IQSEC1: variants seen among roughly 807,000 people sequenced by gnomAD.
IQSEC1 encodes the protein IQ motif and SEC7 domain-containing protein 1.
IQSEC1 carries 31 observed loss-of-function variants against 91.0 expected under a neutral mutation model. That is an observed-to-expected ratio of 0.34 (90% CI 0.26 to 0.46). IQSEC1 has a LOEUF of 0.46. Ranked by LOEUF, IQSEC1 falls within the 20% of genes least tolerant of loss-of-function variation. IQSEC1 has a pLI of 1.00. For missense variants in IQSEC1, 1,388 were observed against 1,575.6 expected (o/e 0.88, Z 2.02); for synonymous variants, 699 against 662.6 (o/e 1.05, Z -0.84).
chr3:12,974,111 G>A (rs750874997), intron 1 of IQSEC1, among the ~76,000 whole-genome samples: 2 of 152,200 alleles, frequency 1.3e-5, no homozygotes, highest in Non-Finnish European at 2.9e-5. Context: ...CTGCAGCTAG[G>A]CCACAGTGTC....
In IQSEC1 at chr3:12,908,534, G is replaced by GA; in HGVS notation, c.2579-10dup. ...CTGCTTCTCGAGCTCCGCTGGAACA[G>GA]AGAGGGTGAGGGTCCTGGTGAGAGG... On this transcript the variant is annotated splice_polypyrimidine_tract_variant and intron_variant, in intron 11 of 13. Transcript: ENST00000613206. The surrounding 1 kb of genome is among the most constrained non-coding windows in gnomAD (Gnocchi z 4.9). 6.2e-7 allele frequency: 1 copy of GA among 1,613,380 alleles called. No individual in the cohort carries two copies. Among genetic ancestry groups the GA allele is most frequent in the South Asian group, 1.1e-5 (1 of 91,072 alleles).
At position 13,079,239 on chromosome 3, in the gene IQSEC1, C is replaced by G. The variant is rs578219296; in HGVS notation, c.303-31717G>C. Among the ~76,000 whole-genome samples, 4 of 152,348 alleles carry G rather than the reference C, an allele frequency of 2.6e-5. No homozygotes were observed. The East Asian group carries it at 7.7e-4, about 29-fold the overall frequency. On this transcript the variant is annotated intron_variant, in intron 2 of 15. Transcript: ENST00000648114. ...GGCCACTGGCTGCCTGGCCCCATCCCTGTGGCCCTGAGCCTTCCTAAACCT... is the reference window on the plus strand; with the variant it reads ...GGCCACTGGCTGCCTGGCCCCATCCGTGTGGCCCTGAGCCTTCCTAAACCT...
chr3:13,006,826 C>G (rs1702656375), intron 1 of IQSEC1, among the ~76,000 whole-genome samples: 1 of 152,218 alleles, frequency 6.6e-6, no homozygotes, highest in East Asian at 1.9e-4. Flanking sequence ...TTAAACAGAG[C>G]AGAAACCCAC....
At chr3:13,124,827 G>A (rs1461726354) in intron 2 of IQSEC1, among the ~76,000 whole-genome samples, 3 of 152,130 alleles carry the variant, frequency 2.0e-5, no homozygotes, top group African/African-American at 7.2e-5. Context: ...CCTCCCAGTG[G>A]CTGCCTTCAG....
chr3:13,092,597 G>C (rs1476021669), intron 2 of IQSEC1, among the ~76,000 whole-genome samples: 4 of 152,132 alleles, frequency 2.6e-5, no homozygotes, highest in Non-Finnish European at 2.9e-5. Flanking sequence ...GGGCCTCTCT[G>C]AGACGGCGAC....
At position 13,011,387 on chromosome 3, in the gene IQSEC1, G is replaced by C. The variant is rs150344300; in HGVS notation, c.23+61605C>G. On this transcript the variant is annotated intron_variant, in intron 1 of 13. Coordinates refer to ENST00000613206, the MANE Select transcript of IQSEC1 (RefSeq NM_001134382.3). ...ACTGACACTCACTGAGCCATTGCTA[G>C]GTCATTGTCTATGGGCAGGTCCATG... 2.0e-4 allele frequency among the ~76,000 whole-genome samples: 30 copies of C among 152,334 alleles called. No individual in the cohort carries two copies. The East Asian group carries it at 2.9e-3, about 15-fold the overall frequency.
chr3:13,110,108 C>G (rs898138944), intron 2 of IQSEC1, among the ~76,000 whole-genome samples: 1 of 151,790 alleles, frequency 6.6e-6, no homozygotes, highest in Non-Finnish European at 1.5e-5. Flanking sequence ...TCTCGAACTC[C>G]TGACCTCAGG....
chr3:12,924,824 C>A lies in IQSEC1; in HGVS notation c.1569-82G>T. On this transcript the variant is annotated intron_variant, in intron 3 of 13. Coordinates refer to ENST00000613206, the MANE Select transcript of IQSEC1 (RefSeq NM_001134382.3). The surrounding 1 kb of genome is among the most constrained non-coding windows in gnomAD (Gnocchi z 6.3). ...CTGGAGGGGATCTCCGCTCAGTGGA[C>A]GGTCGACATTCTCCCTCCCTGCCCA... 1 of 1,333,740 alleles carries A rather than the reference C, an allele frequency of 7.5e-7. No individual in the cohort carries two copies. Among genetic ancestry groups the A allele is most frequent in the African/African-American group, 1.5e-5 (1 of 67,184 alleles). The allele number at this position is 1,333,740 out of a possible 1,614,324, so 82.6% of individuals were successfully genotyped here.
At chr3:13,028,280 A>T (rs1234793976) in intron 1 of IQSEC1, among the ~76,000 whole-genome samples, 1 of 152,230 alleles carries the variant, frequency 6.6e-6, no homozygotes, top group Admixed American at 6.5e-5. Flanking sequence ...AATAAAACTG[A>T]GTCCCAGATA....
intron 2 of IQSEC1, among the ~76,000 whole-genome samples, chr3:13,097,663 A>G (rs1444751565): frequency 6.6e-6 from 1 of 152,178 alleles, no homozygotes; most frequent in Non-Finnish European, 1.5e-5. Context: ...TTCTCCAGCC[A>G]TGCTTTTCTC....
At chr3:13,127,446 A>AC (rs1559260513) in intron 2 of IQSEC1, among the ~76,000 whole-genome samples, 24 of 136,470 alleles carry the variant, frequency 1.8e-4, no homozygotes, top group African/African-American at 6.4e-4. Context: ...AACAAACAAA[A>AC]AAAAAAAAAC....
At chr3:13,074,118 C>G (rs1346531186), upstream of IQSEC1, among the ~76,000 whole-genome samples, 1 of 152,106 alleles carries the variant, frequency 6.6e-6, no homozygotes, top group Non-Finnish European at 1.5e-5. Context: ...TAGGATTGCA[C>G]GTGGTGATAA....
At chr3:13,225,615 G>C (rs1411517727) in intron 1 of IQSEC1, among the ~76,000 whole-genome samples, 1 of 152,152 alleles carries the variant, frequency 6.6e-6, no homozygotes, top group East Asian at 1.9e-4. Flanking sequence ...GGCTGGGAGA[G>C]ATGAAGAAAA....
chr3:13,279,240 C>T (rs369189009), intron 1 of IQSEC1, among the ~76,000 whole-genome samples: 1 of 152,178 alleles, frequency 6.6e-6, no homozygotes, highest in Non-Finnish European at 1.5e-5. Flanking sequence ...GCCTATTATG[C>T]GTCTGAACCT....
At position 12,935,496 on chromosome 3, in the gene IQSEC1, T is replaced by C. The variant is rs1698086114; in HGVS notation, c.1520A>G (p.Asp507Gly). 1.9e-6 allele frequency: 3 copies of C among 1,613,850 alleles called. No homozygotes were observed. Among genetic ancestry groups the C allele is most frequent in the Non-Finnish European group, 2.5e-6 (3 of 1,179,806 alleles). Residue 507 changes from aspartate (D) to glycine (G), a missense_variant, in exon 3 of 14, where the codon GAT (aspartate) becomes GGT (glycine). This residue lies in a region of IQSEC1 where 1,059 missense variants were observed against 1,317.8 expected (regional missense o/e 0.80). Coordinates refer to ENST00000613206, the MANE Select transcript of IQSEC1 (RefSeq NM_001134382.3). The surrounding 1 kb of genome is among the most constrained non-coding windows in gnomAD (Gnocchi z 8.0). ...NSWDSPAFSNDVIRKRHYRIG... is the reference protein window; with the variant it reads ...NSWDSPAFSNGVIRKRHYRIG... ...GCGGTAGTGCCTCTTGCGGATGACA[T>C]CGTTGCTAAAGGCAGGCGAGTCCCA...
chr3:13,200,880 G>A (rs755813926), intron 1 of IQSEC1, among the ~76,000 whole-genome samples: 2 of 152,126 alleles, frequency 1.3e-5, no homozygotes, highest in Admixed American at 6.5e-5. Context: ...TTCTTGGGAC[G>A]ATCCAATGAG....
chr3:12,931,978 A>T (rs1697716114), intron 3 of IQSEC1, among the ~76,000 whole-genome samples: 1 of 152,132 alleles, frequency 6.6e-6, no homozygotes. Flanking sequence ...CTCCTTTTTG[A>T]GGGTGCCCGT....
intron 2 of IQSEC1, among the ~76,000 whole-genome samples, chr3:13,099,588 C>G (rs538381019): frequency 1.3e-5 from 2 of 152,268 alleles, no homozygotes; most frequent in Non-Finnish European, 2.9e-5. Context: ...CCAGAGTGTG[C>G]AAGAATCAAA....
At chr3:13,180,056 C>A (rs982410365) in intron 1 of IQSEC1, among the ~76,000 whole-genome samples, 1 of 152,234 alleles carries the variant, frequency 6.6e-6, no homozygotes, top group Non-Finnish European at 1.5e-5. Flanking sequence ...GCACCCTGCT[C>A]CACGGCGCCC....
Sources: gnomAD v4.1 joint callset for allele counts (sites outside exome capture counted in the v4.1 genomes callset) on GRCh38, gnomAD v4.1.1 for gene constraint, gnomAD v4.1.1 regional missense constraint, Gnocchi (gnomAD v3.1) non-coding constraint, MANE v1.5 for transcripts, NCBI Gene and HGNC (gene_info 2026-07-23, HGNC 2026-07-21) for gene names.